Variants in NHSL1 observed in about 807,000 individuals in gnomAD.
NHSL1 encodes NHS-like protein 1.
A neutral mutation model predicts 95.0 loss-of-function variants in NHSL1; 48 were observed. That is an observed-to-expected ratio of 0.51 (90% confidence interval 0.40 to 0.64). The LOEUF is 0.64. NHSL1 is among the 30% of genes least tolerant of loss of function. The pLI is 0.00. For missense variants in NHSL1, 1,971 were observed against 2,077.7 expected (o/e 0.95, Z 1.00); for synonymous variants, 783 against 833.9 (o/e 0.94, Z 1.05).
chr6:138,445,928 G>A (rs1416934168), intron 4 of NHSL1, among the ~76,000 whole-genome samples: 1 of 152,008 alleles, frequency 6.6e-6, no homozygotes, highest in Non-Finnish European at 1.5e-5. Context: ...ATTAATAGTT[G>A]AAGCTATTAA....
rs1294784846 is a variant in NHSL1, at chr6:138,432,189, G to A, written c.2156C>T (p.Ser719Leu). The change falls in exon 6 of 8, where the codon TCG (serine) becomes TTG (leucine). Residue 719 changes from serine to leucine, a missense_variant. Transcript: ENST00000343505. The surrounding 1 kb of genome is among the most constrained non-coding windows in gnomAD (Gnocchi z 4.4). ...GTCACTGCAGGGGCTCTGGGAGGGC[G>A]AGCTGCCACTCTTGCCTGGGAGGCT... ...QLSLPGKSGS[S>L]PSQSPCSDLE... 3.6e-5 allele frequency: 55 copies of A among 1,546,378 alleles called. No homozygotes were observed. The highest frequency in any genetic ancestry group is 1.7e-4 in the Middle Eastern group (1 of 5,978).
At chr6:138,480,548 C>T (rs750424269) in intron 2 of NHSL1, among the ~76,000 whole-genome samples, 6 of 152,186 alleles carry the variant, frequency 3.9e-5, no homozygotes, top group Non-Finnish European at 7.4e-5. Context: ...TGAGTATGAG[C>T]TCCTAGGAAA....
At chr6:138,689,189 T>C (rs980667464) in intron 1 of NHSL1, among the ~76,000 whole-genome samples, 2 of 152,164 alleles carry the variant, frequency 1.3e-5, no homozygotes, top group African/African-American at 4.8e-5. Context: ...ATCCAGGCAT[T>C]GTTCTAAGCT....
At position 138,431,946 on chromosome 6, in the gene NHSL1, C is replaced by T. The variant is rs1452424352; in HGVS notation, c.2399G>A (p.Cys800Tyr). ...QEDPGNPAGG[C>Y]STSSGVPTGN... is the part of the protein sequence containing the mutation. Reference sequence around the variant, plus strand: ...AGTGGGCACCCCACTGCTGGTTGAACAGCCCCCTGCCGGGTTCCCCGGATC... The same window carrying T: ...AGTGGGCACCCCACTGCTGGTTGAATAGCCCCCTGCCGGGTTCCCCGGATC... The change falls in exon 6 of 8, where the codon TGT becomes TAT. Residue 800 changes from cysteine to tyrosine, a missense_variant. Cys to Tyr is a radical substitution (Grantham distance 194). Coordinates refer to ENST00000343505, the MANE Select transcript of NHSL1 (RefSeq NM_001144060.2). The surrounding 1 kb of genome is among the most constrained non-coding windows in gnomAD (Gnocchi z 4.0). The T allele has an allele frequency of 1.9e-6, 3 of 1,551,648 alleles. No homozygotes were observed. Among genetic ancestry groups the T allele is most frequent in the East Asian group, 4.9e-5 (2 of 40,932 alleles).
chr6:138,524,093 G>A (rs1562347724), intron 1 of NHSL1, among the ~76,000 whole-genome samples: 1 of 152,106 alleles, frequency 6.6e-6, no homozygotes, highest in Non-Finnish European at 1.5e-5. Flanking sequence ...GTGGTGGGGT[G>A]GGAATTCAAG....
chr6:138,474,153 G>C (rs1307725962), intron 2 of NHSL1, among the ~76,000 whole-genome samples: 1 of 152,158 alleles, frequency 6.6e-6, no homozygotes, highest in South Asian at 2.1e-4. Flanking sequence ...GGCTCTCATG[G>C]GTGGGGGCCG....
intron 1 of NHSL1, among the ~76,000 whole-genome samples, chr6:138,633,763 G>A (rs1294295153): frequency 1.3e-5 from 2 of 152,186 alleles, no homozygotes; most frequent in Non-Finnish European, 2.9e-5. Context: ...GTAATAGTAA[G>A]CACACAGAAA....
At chr6:138,572,221 G>A (rs895376137) in exon 1 of NHSL1, 7 of 267,028 alleles carry the variant, frequency 2.6e-5, no homozygotes, top group South Asian at 5.6e-5. Context: ...ATGAAGCAGC[G>A]TGTTCATTTC....
intron 1 of NHSL1, among the ~76,000 whole-genome samples, chr6:138,646,202 C>T (rs1032148120): frequency 2.0e-5 from 3 of 152,162 alleles, no homozygotes; most frequent in Non-Finnish European, 4.4e-5. Flanking sequence ...CACACAAATC[C>T]CTTGTTACAT....
chr6:138,672,399 C>A (rs548637131), intron 1 of NHSL1, among the ~76,000 whole-genome samples: 1 of 152,214 alleles, frequency 6.6e-6, no homozygotes, highest in South Asian at 2.1e-4. Flanking sequence ...ATAGTTATTC[C>A]TCTGACCGCC....
In NHSL1 at chr6:138,683,298, T is replaced by A. The variant is rs890723946; in HGVS notation, c.96+9178A>T. Among the ~76,000 whole-genome samples, 5 of 152,368 alleles carry A rather than the reference T, an allele frequency of 3.3e-5. No homozygotes were observed. The East Asian group carries it at 7.7e-4, about 23-fold the overall frequency. On this transcript the variant is annotated intron_variant, in intron 1 of 3. Transcript: ENST00000491526. Reference sequence around the variant, plus strand: ...TTTATCTCTGACACCAGCTCTCATGTAGCCGTGGTCAGCTTTCATCTTCCA... The same window carrying A: ...TTTATCTCTGACACCAGCTCTCATGAAGCCGTGGTCAGCTTTCATCTTCCA...
At chr6:138,518,193 T>A (rs1781532434) in intron 1 of NHSL1, among the ~76,000 whole-genome samples, 1 of 152,210 alleles carries the variant, frequency 6.6e-6, no homozygotes, top group Admixed American at 6.5e-5. Context: ...TACAGTTATT[T>A]ATTAATACAT....
At chr6:138,462,459 G>A (rs904879207) in intron 3 of NHSL1, among the ~76,000 whole-genome samples, 9 of 152,210 alleles carry the variant, frequency 5.9e-5, no homozygotes, top group African/African-American at 1.9e-4. Context: ...AGCTATTCAT[G>A]AGGGATGTTC....
chr6:138,692,528 G>C lies in NHSL1; in HGVS notation c.45C>G (p.Leu15=). 5.0e-6 allele frequency: 1 copy of C among 200,228 alleles called. No homozygotes were observed. Among genetic ancestry groups the C allele is most frequent in the South Asian group, 7.3e-5 (1 of 13,618 alleles). The allele number at this position is 200,228 out of a possible 1,614,324, so 12.4% of individuals were successfully genotyped here. The change falls in exon 1 of 4, where the codon CTC becomes CTG. Residue 15 remains leucine, a synonymous_variant. Transcript: ENST00000491526. This position sits in a 1 kb window ranked among gnomAD's most constrained non-coding sequence, Gnocchi z 4.0. The stretch of plus-strand genomic sequence containing the variant: ...GCGCAGCGGCGGCTTGCAGGGCGTC[G>C]AGGCGGCGGTGCAGCGCGGCGGTGC...
intron 1 of NHSL1, among the ~76,000 whole-genome samples, chr6:138,671,573 T>C (rs570577218): frequency 2.3e-4 from 35 of 151,206 alleles, no homozygotes; most frequent in African/African-American, 8.5e-4. Context: ...GTGAAGGAGG[T>C]CACACAGATG....
intron 1 of NHSL1, among the ~76,000 whole-genome samples, chr6:138,595,851 G>A (rs1389966347): frequency 1.3e-5 from 2 of 152,196 alleles, no homozygotes; most frequent in African/African-American, 4.8e-5. Flanking sequence ...AGGTTGCCAT[G>A]CCACCCTTGC....
Position 138,587,274 on chromosome 6 carries a change from C to A in NHSL1, c.97-90903G>T, listed in dbSNP as rs528885731. 5.2e-4 allele frequency among the ~76,000 whole-genome samples: 79 copies of A among 151,566 alleles called. 1 individual carries two copies. Among genetic ancestry groups the A allele is most frequent in the Admixed American group, 1.1e-3 (16 of 15,232 alleles). On this transcript the variant is annotated intron_variant, in intron 1 of 3. Coordinates refer to the NHSL1 transcript ENST00000491526. ...AGGCGTGAGCCACCACACCTGGAGGCACTTGTGTTTTTAAACAGCTTCATG... is the reference window on the plus strand; with the variant it reads ...AGGCGTGAGCCACCACACCTGGAGGAACTTGTGTTTTTAAACAGCTTCATG...
intron 1 of NHSL1, among the ~76,000 whole-genome samples, chr6:138,561,514 A>G (rs1783407817): frequency 6.6e-6 from 1 of 152,214 alleles, no homozygotes; most frequent in Non-Finnish European, 1.5e-5. Flanking sequence ...CTCCCACTCT[A>G]GGAAACGCCC....
intron 1 of NHSL1, among the ~76,000 whole-genome samples, chr6:138,508,433 C>T (rs9495100): frequency 0.049 from 7,469 of 152,260 alleles, 217 homozygotes; most frequent in African/African-American, 0.078. Flanking sequence ...AGGGAGATTT[C>T]ATAGGCCCCT....
Sources: gnomAD v4.1 joint callset for allele counts (sites outside exome capture counted in the v4.1 genomes callset) on GRCh38, gnomAD v4.1.1 for gene constraint, Gnocchi (gnomAD v3.1) non-coding constraint, MANE v1.5 for transcripts, NCBI Gene and HGNC (gene_info 2026-07-23, HGNC 2026-07-21) for gene names.